The following KLF7 variants were observed in gnomAD, a reference collection of about 807,000 sequenced individuals.
KLF7 encodes KLF transcription factor 7.
A neutral mutation model predicts 27.3 loss-of-function variants in KLF7; 2 were observed. The ratio of observed to expected loss-of-function variants is 0.07; its 90% confidence interval spans 0.03 to 0.23. The LOEUF (loss-of-function observed/expected upper bound fraction) is 0.23. Ranked by LOEUF, KLF7 falls within the 10% of genes least tolerant of loss-of-function variation. The pLI, the probability that KLF7 is intolerant of heterozygous loss-of-function variation, is 1.00. For synonymous variants in KLF7, 165 were observed against 162.4 expected, an observed-to-expected ratio of 1.02 and a Z score of -0.12; for missense variants, 221 against 394.1, an observed-to-expected ratio of 0.56 and a Z score of 3.72.
intron 2 of KLF7, among the ~76,000 whole-genome samples, chr2:207,107,124 G>A (rs543941985): frequency 8.5e-5 from 13 of 152,224 alleles, no homozygotes; most frequent in East Asian, 5.8e-4. Context: ...AAGGGATATC[G>A]GGTGTAAACA....
chr2:207,156,243 A>G (rs1035514224), intron 1 of KLF7, among the ~76,000 whole-genome samples: 1 of 152,198 alleles, frequency 6.6e-6, no homozygotes, highest in African/African-American at 2.4e-5. Context: ...TGTGAAGATC[A>G]CCACACGCCC....
chr2:207,131,875 C>T (rs1010008901), intron 1 of KLF7, among the ~76,000 whole-genome samples: 3 of 152,158 alleles, frequency 2.0e-5, no homozygotes, highest in South Asian at 2.1e-4. Flanking sequence ...GAGACAATCT[C>T]AGATGCCAAG....
chr2:207,161,497 T>C (rs2078544703), intron 1 of KLF7, among the ~76,000 whole-genome samples: 1 of 152,224 alleles, frequency 6.6e-6, no homozygotes, highest in Non-Finnish European at 1.5e-5. Context: ...AACCTACGGA[T>C]GGACAGACCC....
chr2:207,123,751 G>A (rs778948342), intron 2 of KLF7, 23 bp downstream of exon 2: 8 of 1,594,514 alleles, frequency 5.0e-6, no homozygotes, highest in East Asian at 4.5e-5. Flanking sequence ...AAGAAACCAC[G>A]TGCGGCCAAC....
intron 2 of KLF7, among the ~76,000 whole-genome samples, chr2:207,112,130 T>C (rs1357952337): frequency 2.0e-5 from 2 of 97,654 alleles, no homozygotes; most frequent in African/African-American, 4.6e-5. Context: ...TGACTTCTGA[T>C]GGTTCTTCAT....
rs535196431 is a variant in KLF7, at chr2:207,149,148, C to T, written c.102+16319G>A. On this transcript the variant is annotated intron_variant, in intron 1 of 3. Coordinates refer to ENST00000309446, the MANE Select transcript of KLF7 (RefSeq NM_003709.4). ...CACCCAGTCATGTTGATTTCATAGT[C>T]AATAATAAGAAACTGGTGTGTTTTC... 37 of 1,287,900 alleles carry T rather than the reference C, an allele frequency of 2.9e-5. No individual in the cohort carries two copies. In the South Asian group the frequency reaches 4.5e-4, roughly 16 times the overall value. The allele number at this position is 1,287,900 out of a possible 1,614,324, so 79.8% of individuals were successfully genotyped here.
chr2:207,103,764 T>C (rs910709224), intron 2 of KLF7, among the ~76,000 whole-genome samples: 2 of 152,208 alleles, frequency 1.3e-5, no homozygotes, highest in Non-Finnish European at 2.9e-5. Flanking sequence ...ATAGAGCTAA[T>C]CCCTTCTTCA....
chr2:207,141,241 A>G (rs2077934979), intron 1 of KLF7, among the ~76,000 whole-genome samples: 1 of 152,158 alleles, frequency 6.6e-6, no homozygotes, highest in Admixed American at 6.5e-5. Context: ...TAGCAGTGCC[A>G]TGCTCCAGGT....
chr2:207,142,659 T>C (rs1436769944), intron 1 of KLF7, among the ~76,000 whole-genome samples: 2 of 152,016 alleles, frequency 1.3e-5, no homozygotes, highest in East Asian at 3.9e-4. Context: ...GGCAAATGAG[T>C]GAACTTTTGC....
chr2:207,093,630 C>T (rs1212110872), intron 2 of KLF7, among the ~76,000 whole-genome samples: 1 of 152,202 alleles, frequency 6.6e-6, no homozygotes, highest in African/African-American at 2.4e-5. Flanking sequence ...TTTCCCTCAC[C>T]AGAGCATAAG....
chr2:207,159,193 A>G (rs955380629), intron 1 of KLF7, among the ~76,000 whole-genome samples: 4 of 152,208 alleles, frequency 2.6e-5, no homozygotes, highest in Admixed American at 6.5e-5. Context: ...AATTACCTCT[A>G]ATCATTTCCG....
In KLF7 at chr2:207,123,764, G is replaced by C. The variant is rs746583684; in HGVS notation, c.733+10C>G. 6 of 1,606,454 alleles carry C rather than the reference G, an allele frequency of 3.7e-6. No homozygotes were observed. Among genetic ancestry groups the C allele is most frequent in the Non-Finnish European group, 5.1e-6 (6 of 1,175,900 alleles). On this transcript the variant is annotated intron_variant, in intron 2 of 3. Coordinates refer to ENST00000309446, the MANE Select transcript of KLF7 (RefSeq NM_003709.4). ...AGAAGAAACCACGTGCGGCCAACTTGTACCACTACCTGTGTGAGTCCTCTG... is the reference window on the plus strand; with the variant it reads ...AGAAGAAACCACGTGCGGCCAACTTCTACCACTACCTGTGTGAGTCCTCTG...
chr2:207,167,003 A>G, upstream of KLF7: 1 of 767,810 alleles, frequency 1.3e-6, no homozygotes, highest in Non-Finnish European at 1.7e-6. Context: ...CCTGGTCGGG[A>G]GTCCGGCGGC....
Position 207,165,616 on chromosome 2 carries a change from A to T in KLF7, c.-48T>A, listed in dbSNP as rs1239938921. On this transcript the variant is annotated 5_prime_UTR_variant, in exon 1 of 4. Transcript: ENST00000309446. ...GGAGGCGAAACCCTCCCCCGAACACAGTTGGGGCTGTTTGTTTGTCAGTCT... is the reference window on the plus strand; with the variant it reads ...GGAGGCGAAACCCTCCCCCGAACACTGTTGGGGCTGTTTGTTTGTCAGTCT... The T allele has an allele frequency of 6.2e-7, 1 of 1,610,982 alleles. No individual in the cohort carries two copies. The highest frequency in any genetic ancestry group is 8.5e-7 in the Non-Finnish European group (1 of 1,179,134).
At chr2:207,104,046 T>C (rs2076826076) in intron 2 of KLF7, among the ~76,000 whole-genome samples, 1 of 152,216 alleles carries the variant, frequency 6.6e-6, no homozygotes, top group African/African-American at 2.4e-5. Flanking sequence ...TGGTGTTTCA[T>C]TCAACCATCA....
At chr2:207,140,203 G>C (rs1158765046) in intron 1 of KLF7, among the ~76,000 whole-genome samples, 3 of 152,002 alleles carry the variant, frequency 2.0e-5, no homozygotes, top group Non-Finnish European at 4.4e-5. Context: ...TTTAAGATTT[G>C]AATTGAGAAA....
At chr2:207,118,350 T>C (rs2077245332) in intron 2 of KLF7, among the ~76,000 whole-genome samples, 1 of 152,182 alleles carries the variant, frequency 6.6e-6, no homozygotes, top group Admixed American at 6.5e-5. Context: ...GAAGACCATT[T>C]CTTTGTAATT....
intron 1 of KLF7, among the ~76,000 whole-genome samples, chr2:207,152,407 GA>G (rs373051953): frequency 2.0e-5 from 3 of 151,100 alleles, no homozygotes; most frequent in African/African-American, 7.3e-5. Flanking sequence ...TGTCTGATGG[GA>G]AAAAAAAATT....
intron 3 of KLF7, among the ~76,000 whole-genome samples, chr2:207,082,372 G>A (rs904076212): frequency 1.3e-5 from 2 of 152,142 alleles, no homozygotes; most frequent in African/African-American, 4.8e-5. Flanking sequence ...GGAGAATGAA[G>A]TCAACAGAGA....
Sources: gnomAD v4.1 joint callset for allele counts (sites outside exome capture counted in the v4.1 genomes callset) on GRCh38, gnomAD v4.1.1 for gene constraint, MANE v1.5 for transcripts, NCBI Gene and HGNC (gene_info 2026-07-23, HGNC 2026-07-21) for gene names.